KDM4C: variants seen among roughly 807,000 people sequenced by gnomAD.
KDM4C encodes the protein lysine demethylase 4C.
In KDM4C, 81 loss-of-function variants were observed where a neutral mutation model predicts 129.3. The observed-to-expected ratio is 0.63, with a 90% CI of 0.52 to 0.75. The LOEUF (loss-of-function observed/expected upper bound fraction) is 0.75, where lower values mean the gene tolerates loss of function less well. KDM4C is among the 30% of genes least tolerant of loss of function. The probability of loss-of-function intolerance (pLI) is 0.00; values close to 1 mark genes in which losing one functional copy is unlikely to be tolerated. For missense variants in KDM4C, 1,457 were observed against 1,304.0 expected, an observed-to-expected ratio of 1.12 and a Z score of -1.81; for synonymous variants, 573 against 456.1, an observed-to-expected ratio of 1.26 and a Z score of -3.26.
rs563749640 is a variant in KDM4C at position 6,807,656 on chromosome 9, G to A, written c.320+1882G>A. 1.0e-2 allele frequency among the ~76,000 whole-genome samples: 1,471 copies of A among 147,670 alleles called. 35 individuals carry two copies. The highest frequency in any genetic ancestry group is 0.035 in the African/African-American group (1,381 of 39,558). Reference sequence around the variant, plus strand: ...ATACCCTCTGCCTGGCAACCACCCCGTCTGAGAAGTGAGGAGCCCATCCGC... The same window carrying A: ...ATACCCTCTGCCTGGCAACCACCCCATCTGAGAAGTGAGGAGCCCATCCGC... On this transcript the variant is annotated intron_variant, in intron 3 of 21. Coordinates refer to ENST00000381309, the MANE Select transcript of KDM4C (RefSeq NM_015061.6).
intron 17 of KDM4C, among the ~76,000 whole-genome samples, chr9:7,063,046 G>GA (rs1831930500): frequency 6.6e-6 from 1 of 151,972 alleles, no homozygotes; most frequent in Non-Finnish European, 1.5e-5. Context: ...TAAAACTAGA[G>GA]AAAATGTTTC....
At chr9:7,050,527 C>A (rs1026703421) in intron 17 of KDM4C, among the ~76,000 whole-genome samples, 1 of 146,768 alleles carries the variant, frequency 6.8e-6, no homozygotes, top group African/African-American at 2.5e-5. Flanking sequence ...AAAAGTTGAA[C>A]TACCACATGT....
At chr9:7,127,816 C>T in intron 18 of KDM4C, 1 of 355,732 alleles carries the variant, frequency 2.8e-6, no homozygotes, top group South Asian at 5.8e-5. Context: ...TTTGTATATG[C>T]ATACACACAC....
At chr9:7,153,691 G>A (rs1466898672) in intron 19 of KDM4C, among the ~76,000 whole-genome samples, 1 of 152,166 alleles carries the variant, frequency 6.6e-6, no homozygotes, top group Non-Finnish European at 1.5e-5. Flanking sequence ...TTACTTATCA[G>A]GGTTGTTAAT....
chr9:6,862,661 G>T (rs937111170), intron 5 of KDM4C, among the ~76,000 whole-genome samples: 2 of 152,100 alleles, frequency 1.3e-5, no homozygotes, highest in Non-Finnish European at 2.9e-5. Context: ...AAACACATTA[G>T]CCAGGTGTGG....
At chr9:6,729,122 T>TAAAAA (rs1563913049) in intron 1 of KDM4C, among the ~76,000 whole-genome samples, 8 of 122,702 alleles carry the variant, frequency 6.5e-5, no homozygotes, top group South Asian at 2.9e-4. Flanking sequence ...GAGAATTGCT[T>TAAAAA]GAACCCGGGA....
At chr9:6,942,887 G>C (rs1270792178) in intron 8 of KDM4C, among the ~76,000 whole-genome samples, 1 of 152,042 alleles carries the variant, frequency 6.6e-6, no homozygotes, top group African/African-American at 2.4e-5. Flanking sequence ...ATTATTTTTT[G>C]AGACGGCTTT....
chr9:6,809,487 A>G (rs949246335), intron 3 of KDM4C, among the ~76,000 whole-genome samples: 2 of 152,202 alleles, frequency 1.3e-5, no homozygotes, highest in Non-Finnish European at 2.9e-5. Flanking sequence ...TGATATTTCA[A>G]GGGATACTTA....
At chr9:6,887,927 A>C (rs753636288) in intron 6 of KDM4C, 33 bp from the exon 7 acceptor site, 2 of 1,205,092 alleles carry the variant, frequency 1.7e-6, no homozygotes, top group Non-Finnish European at 2.5e-6. Flanking sequence ...CTTAATCGAC[A>C]CAGTGCCACT....
chr9:6,745,250 T>C lies in KDM4C; in HGVS notation c.49+24253T>C, dbSNP rs556357016. Among the ~76,000 whole-genome samples the C allele has an allele frequency of 3.7e-3, 557 of 152,206 alleles. 8 individuals carry two copies. The highest frequency in any genetic ancestry group is 0.013 in the African/African-American group (527 of 41,540). ...ACTTTCTGGTCTCAAACCTTCTTAA[T>C]GTTGAAAATTGTCTTCATGGGTATT... On this transcript the variant is annotated intron_variant, in intron 1 of 17. Transcript: ENST00000536108.
intron 15 of KDM4C, among the ~76,000 whole-genome samples, chr9:7,019,255 T>G (rs1824222430): frequency 6.6e-6 from 1 of 152,240 alleles, no homozygotes; most frequent in Admixed American, 6.5e-5. Flanking sequence ...GATTGCATTT[T>G]TAAAGTATCC....
chr9:7,127,892 T>G (rs765444606), intron 18 of KDM4C, 174 bp from the exon 19 acceptor site: 9 of 555,808 alleles, frequency 1.6e-5, no homozygotes, highest in Non-Finnish European at 2.7e-5. Context: ...ACTATTTGTC[T>G]TCTTGCAACT....
intron 18 of KDM4C, among the ~76,000 whole-genome samples, chr9:7,125,619 G>A (rs184376842): frequency 3.9e-5 from 6 of 152,262 alleles, no homozygotes; most frequent in African/African-American, 1.4e-4. Context: ...TGAAATTCAC[G>A]GGGGAAACAA....
At chr9:6,834,916 C>T in intron 4 of KDM4C, 2 of 1,192,476 alleles carry the variant, frequency 1.7e-6, no homozygotes, top group Non-Finnish European at 2.5e-6. Context: ...CCGTGATGGA[C>T]TCCGGTGACG....
intron 18 of KDM4C, among the ~76,000 whole-genome samples, chr9:7,107,948 A>G (rs1837885325): frequency 2.0e-5 from 3 of 152,200 alleles, no homozygotes; most frequent in Admixed American, 2.0e-4. Context: ...TAATTATCCG[A>G]TGCTAGGGAG....
At chr9:6,950,197 A>G (rs370106760) in intron 8 of KDM4C, among the ~76,000 whole-genome samples, 1 of 152,022 alleles carries the variant, frequency 6.6e-6, no homozygotes, top group Non-Finnish European at 1.5e-5. Context: ...AGCAAATTTT[A>G]TTATAGAAGG....
intron 4 of KDM4C, among the ~76,000 whole-genome samples, chr9:6,819,273 C>T (rs1212238781): frequency 6.6e-6 from 1 of 152,194 alleles, no homozygotes; most frequent in Non-Finnish European, 1.5e-5. Flanking sequence ...CTTTGGTTTG[C>T]AGTGCTTATC....
chr9:6,907,943 A>G (rs543443979), intron 8 of KDM4C, among the ~76,000 whole-genome samples: 1 of 152,226 alleles, frequency 6.6e-6, no homozygotes, highest in Non-Finnish European at 1.5e-5. Context: ...TCAAAGATTC[A>G]TAGACAGTGT....
chr9:6,858,784 A>T (rs1050972099), intron 5 of KDM4C, among the ~76,000 whole-genome samples: 2 of 151,966 alleles, frequency 1.3e-5, no homozygotes, highest in African/African-American at 4.8e-5. Flanking sequence ...CCCGGCAAAA[A>T]AAAAAAATTA....
Sources: allele counts gnomAD v4.1 joint callset (sites outside exome capture counted in the v4.1 genomes callset), GRCh38; gene constraint gnomAD v4.1.1; transcripts MANE v1.5; gene names NCBI Gene and HGNC (gene_info 2026-07-23, HGNC 2026-07-21).